Variants in CD2AP observed in about 807,000 individuals in gnomAD.
The protein encoded by CD2AP is CD2-associated protein.
A neutral mutation model predicts 85.1 loss-of-function variants in CD2AP; 46 were observed. That is an observed-to-expected ratio of 0.54 (90% CI 0.43 to 0.69). The LOEUF is 0.69. Ranked by LOEUF, CD2AP falls within the 30% of genes least tolerant of loss-of-function variation. The pLI is 0.00. For synonymous variants in CD2AP, 255 were observed against 252.9 expected (o/e 1.01, Z -0.08); for missense variants, 769 against 729.5 (o/e 1.05, Z -0.62).
intron 2 of CD2AP, among the ~76,000 whole-genome samples, chr6:47,521,046 A>ATTAT (rs1554169788): frequency 1.3e-5 from 2 of 151,908 alleles, no homozygotes; most frequent in Non-Finnish European, 2.9e-5. Context: ...TCAAAATTTA[A>ATTAT]TTATTTATTT....
intron 3 of CD2AP, among the ~76,000 whole-genome samples, chr6:47,536,833 G>C (rs1350408599): frequency 1.3e-5 from 2 of 152,112 alleles, no homozygotes; most frequent in Non-Finnish European, 2.9e-5. Context: ...AAAGATAATG[G>C]TAAAATATTG....
intron 13 of CD2AP, among the ~76,000 whole-genome samples, chr6:47,603,479 G>A (rs140451111): frequency 6.8e-4 from 103 of 151,992 alleles, no homozygotes; most frequent in African/African-American, 2.5e-3. Flanking sequence ...CCATCCTTTT[G>A]GAAACTGTCT....
chr6:47,620,184 A>G (rs1769707011), intron 17 of CD2AP, among the ~76,000 whole-genome samples: 1 of 152,196 alleles, frequency 6.6e-6, no homozygotes, highest in African/African-American at 2.4e-5. Flanking sequence ...AAGAATTTTT[A>G]TAGTTTCAGG....
At chr6:47,569,406 G>A (rs75752391) in intron 5 of CD2AP, among the ~76,000 whole-genome samples, 7,734 of 152,070 alleles carry the variant, frequency 0.051, 281 homozygotes, top group Non-Finnish European at 0.082. Context: ...TCTGACTTTT[G>A]ATATCTTCTA....
chr6:47,588,324 T>C (rs978900563), intron 11 of CD2AP, among the ~76,000 whole-genome samples: 1 of 152,172 alleles, frequency 6.6e-6, no homozygotes, highest in African/African-American at 2.4e-5. Context: ...AAAAGGTGTG[T>C]GTATAGATAC....
intron 17 of CD2AP, among the ~76,000 whole-genome samples, chr6:47,615,559 G>A (rs1354580377): frequency 2.0e-5 from 3 of 151,780 alleles, no homozygotes; most frequent in African/African-American, 4.8e-5. Flanking sequence ...GAGGGGCCAC[G>A]CAGTTTTAAA....
At chr6:47,597,088 G>A (rs1768971895) in intron 12 of CD2AP, among the ~76,000 whole-genome samples, 3 of 140,444 alleles carry the variant, frequency 2.1e-5, no homozygotes, top group East Asian at 1.9e-4. Flanking sequence ...AAATTCCCAG[G>A]GTGCTAAGCA....
intron 2 of CD2AP, among the ~76,000 whole-genome samples, chr6:47,523,195 G>T (rs1247091364): frequency 1.3e-5 from 2 of 152,016 alleles, no homozygotes; most frequent in Middle Eastern, 3.4e-3. Flanking sequence ...CTTTATAATA[G>T]TTCATATAGA....
Position 47,478,163 on chromosome 6 carries a change from C to G in CD2AP, c.-82C>G. The G allele has an allele frequency of 5.9e-6, 9 of 1,523,070 alleles. No individual in the cohort carries two copies. The highest frequency in any genetic ancestry group is 8.0e-6 in the Non-Finnish European group (9 of 1,123,610). The allele number at this position is 1,523,070 out of a possible 1,614,324, so 94.3% of individuals were successfully genotyped here. A position where few individuals can be genotyped will look rare whatever the true frequency, so the allele number is the denominator to read the frequency against. ...CGCGGAGCGCGGGTCCCGCCTCCAG[C>G]CGCGGGAGCGGCCGCGCGAGCCACC... On this transcript the variant is annotated 5_prime_UTR_variant, in exon 1 of 18. Coordinates refer to ENST00000359314, the MANE Select transcript of CD2AP (RefSeq NM_012120.3).
intron 2 of CD2AP, among the ~76,000 whole-genome samples, chr6:47,519,148 A>C (rs1280533632): frequency 6.6e-6 from 1 of 152,208 alleles, no homozygotes; most frequent in Non-Finnish European, 1.5e-5. Context: ...AAATATGCAA[A>C]AGAATAAATG....
chr6:47,547,263 G>T (rs1384557661), intron 4 of CD2AP, among the ~76,000 whole-genome samples: 2 of 152,062 alleles, frequency 1.3e-5, no homozygotes, highest in African/African-American at 4.8e-5. Context: ...TTGCAGAATG[G>T]ACAGGAATTC....
intron 4 of CD2AP, among the ~76,000 whole-genome samples, chr6:47,547,878 A>T (rs1024667519): frequency 6.6e-6 from 1 of 152,156 alleles, no homozygotes; most frequent in African/African-American, 2.4e-5. Flanking sequence ...AGGAGCCTTG[A>T]AAACCATGCA....
At chr6:47,544,521 C>G in intron 3 of CD2AP, 85 bp from the exon 4 acceptor site, 1 of 856,886 alleles carries the variant, frequency 1.2e-6, no homozygotes, top group Non-Finnish European at 2.0e-6. Flanking sequence ...TTATATAAGT[C>G]CTGTGACTAA....
intron 2 of CD2AP, among the ~76,000 whole-genome samples, chr6:47,505,978 G>A (rs1766151656): frequency 1.1e-4 from 7 of 66,564 alleles, no homozygotes; most frequent in African/African-American, 4.1e-4. Flanking sequence ...GGTGGCTGCC[G>A]GGCGGAGAGG....
chr6:47,489,151 C>A (rs1765654494), intron 1 of CD2AP: 1 of 142,352 alleles, frequency 7.0e-6, no homozygotes, highest in Non-Finnish European at 1.5e-5. Flanking sequence ...CTTTTCATTA[C>A]TGCACTCAAC....
chr6:47,576,616 T>C lies in CD2AP; in HGVS notation c.808+14T>C. The C allele has an allele frequency of 1.3e-6, 2 of 1,547,658 alleles. No individual in the cohort carries two copies. Among genetic ancestry groups the C allele is most frequent in the Non-Finnish European group, 1.8e-6 (2 of 1,120,520 alleles). ...GTAAAATTAAAGGTATGTTTTTGAA[T>C]AAAGCTTTCATATTGGGAATAGTAG... On this transcript the variant is annotated intron_variant, in intron 7 of 17. Coordinates refer to ENST00000359314, the MANE Select transcript of CD2AP (RefSeq NM_012120.3).
At chr6:47,624,132 AACT>A in intron 17 of CD2AP, 51 bp from the exon 18 acceptor site, 1 of 1,381,702 alleles carries the variant, frequency 7.2e-7, no homozygotes, top group South Asian at 1.2e-5. Flanking sequence ...GAGTAAAATA[AACT>A]ACTAAACTAA....
At chr6:47,586,018 A>T (rs558962870) in intron 11 of CD2AP, among the ~76,000 whole-genome samples, 3 of 152,342 alleles carry the variant, frequency 2.0e-5, no homozygotes, top group African/African-American at 7.2e-5. Context: ...CCATTGTCTG[A>T]TTAAAGATTG....
chr6:47,582,809 G>C (rs992397995), intron 11 of CD2AP, among the ~76,000 whole-genome samples: 1 of 76,044 alleles, frequency 1.3e-5, no homozygotes, highest in African/African-American at 4.7e-5. Flanking sequence ...TTTTTTTTTT[G>C]TCTCGCTCTC....
Sources: allele counts gnomAD v4.1 joint callset (sites outside exome capture counted in the v4.1 genomes callset), GRCh38; gene constraint gnomAD v4.1.1; transcripts MANE v1.5; gene names NCBI Gene and HGNC (gene_info 2026-07-23, HGNC 2026-07-21).